The following CDH11 variants were observed in gnomAD, a reference collection of about 807,000 sequenced individuals.
CDH11 encodes cadherin-11.
A neutral mutation model predicts 67.8 loss-of-function variants in CDH11; 11 were observed. The ratio of observed to expected loss-of-function variants is 0.16; its 90% CI spans 0.10 to 0.27. The LOEUF is 0.27. Among genes scored for constraint, CDH11 ranks in the 10% least tolerant of loss-of-function variants. The pLI, the probability that CDH11 is intolerant of heterozygous loss-of-function variation, is 1.00. For synonymous variants in CDH11, 419 were observed against 400.0 expected (o/e 1.05, Z -0.57); for missense variants, 847 against 1,031.2 (o/e 0.82, Z 2.45).
intron 1 of CDH11, among the ~76,000 whole-genome samples, chr16:65,116,358 A>C (rs1848200367): frequency 6.6e-6 from 1 of 152,224 alleles, no homozygotes; most frequent in African/African-American, 2.4e-5. Flanking sequence ...TCTTAAACTA[A>C]GACCAGGGAG....
At chr16:64,980,953 C>A (rs928560696) in intron 8 of CDH11, among the ~76,000 whole-genome samples, 7 of 152,092 alleles carry the variant, frequency 4.6e-5, no homozygotes, top group African/African-American at 1.7e-4. Context: ...TCAACTTCCA[C>A]TCTGTAAACG....
chr16:64,983,163 T>C (rs1226476576), intron 7 of CDH11: 1 of 150,866 alleles, frequency 6.6e-6, no homozygotes, highest in Non-Finnish European at 1.5e-5. Flanking sequence ...AAAGAATGCA[T>C]ATATATTAAA....
intron 1 of CDH11, among the ~76,000 whole-genome samples, chr16:65,101,384 G>A (rs1464483000): frequency 6.6e-6 from 1 of 152,150 alleles, no homozygotes; most frequent in Non-Finnish European, 1.5e-5. Flanking sequence ...TTCCTCTTTG[G>A]AGCTCTCCTT....
At chr16:64,958,110 C>T (rs2071568532) in intron 11 of CDH11, among the ~76,000 whole-genome samples, 1 of 152,194 alleles carries the variant, frequency 6.6e-6, no homozygotes, top group Non-Finnish European at 1.5e-5. Flanking sequence ...ACCTCTTCAC[C>T]AGACAATAAC....
intron 2 of CDH11, among the ~76,000 whole-genome samples, chr16:65,009,630 A>G (rs1183467595): frequency 2.0e-5 from 3 of 152,208 alleles, no homozygotes; most frequent in Non-Finnish European, 4.4e-5. Context: ...AAATATATCA[A>G]TGTTCTAATT....
intron 2 of CDH11, among the ~76,000 whole-genome samples, chr16:65,015,348 A>G (rs2073280144): frequency 6.6e-6 from 1 of 152,176 alleles, no homozygotes; most frequent in East Asian, 1.9e-4. Flanking sequence ...ATGACACTCT[A>G]GAGACATTGA....
At chr16:65,061,665 A>G (rs1029907531) in intron 1 of CDH11, among the ~76,000 whole-genome samples, 12 of 152,238 alleles carry the variant, frequency 7.9e-5, no homozygotes, top group African/African-American at 2.9e-4. Context: ...TTCACATGCC[A>G]AATGAAGCAT....
intron 8 of CDH11, among the ~76,000 whole-genome samples, chr16:64,975,136 G>A (rs565522914): frequency 3.9e-5 from 6 of 152,126 alleles, no homozygotes; most frequent in Non-Finnish European, 8.8e-5. Context: ...TAACTTTTAT[G>A]TTATCTGTGA....
intron 2 of CDH11, among the ~76,000 whole-genome samples, chr16:65,019,585 T>A (rs2073381075): frequency 6.6e-6 from 1 of 152,124 alleles, no homozygotes; most frequent in East Asian, 1.9e-4. Flanking sequence ...TTATTCAAGT[T>A]TAATTCGTTT....
At chr16:65,106,528 T>G (rs1346135345) in intron 1 of CDH11, among the ~76,000 whole-genome samples, 1 of 152,064 alleles carries the variant, frequency 6.6e-6, no homozygotes, top group Non-Finnish European at 1.5e-5. Context: ...TAAATCTTGT[T>G]TCTTATTAAT....
chr16:64,950,441 C>A (rs761097443), intron 12 of CDH11, among the ~76,000 whole-genome samples: 12 of 152,100 alleles, frequency 7.9e-5, no homozygotes, highest in Non-Finnish European at 1.8e-4. Flanking sequence ...TATGCCAAAC[C>A]TTCTCTGATG....
chr16:65,107,931 C>T (rs1296958993), intron 1 of CDH11, among the ~76,000 whole-genome samples: 4 of 152,158 alleles, frequency 2.6e-5, no homozygotes, highest in Non-Finnish European at 5.9e-5. Flanking sequence ...GCAATGCCAG[C>T]ATTGCAAGGG....
At chr16:65,090,744 A>G (rs2074779624) in intron 1 of CDH11, among the ~76,000 whole-genome samples, 1 of 152,200 alleles carries the variant, frequency 6.6e-6, no homozygotes, top group African/African-American at 2.4e-5. Context: ...AATATCCTAA[A>G]GGCTCCAAAT....
At chr16:65,042,233 G>A (rs927018199) in intron 2 of CDH11, among the ~76,000 whole-genome samples, 6 of 152,184 alleles carry the variant, frequency 3.9e-5, no homozygotes, top group African/African-American at 1.4e-4. Context: ...ATCCCATGGG[G>A]AAAACAGACA....
At chr16:64,984,676 T>C (rs930250422) in intron 7 of CDH11, 2 of 152,220 alleles carry the variant, frequency 1.3e-5, no homozygotes, top group Non-Finnish European at 2.9e-5. Context: ...TCTGTGGAAA[T>C]GTACACACAA....
chr16:64,994,862 C>A (rs2072725275), intron 4 of CDH11, among the ~76,000 whole-genome samples: 1 of 152,146 alleles, frequency 6.6e-6, no homozygotes, highest in Admixed American at 6.5e-5. Flanking sequence ...TTCAGTGAAG[C>A]TTCAGAATAC....
intron 1 of CDH11, among the ~76,000 whole-genome samples, chr16:65,107,039 C>A (rs750427363): frequency 6.6e-6 from 1 of 151,902 alleles, no homozygotes; most frequent in African/African-American, 2.4e-5. Context: ...ATTTATGGAA[C>A]TGGAAAGATG....
At chr16:65,054,275 G>A (rs1325635568) in intron 1 of CDH11, among the ~76,000 whole-genome samples, 2 of 152,148 alleles carry the variant, frequency 1.3e-5, no homozygotes, top group Non-Finnish European at 2.9e-5. Flanking sequence ...TGAAAACTTA[G>A]AGCCCATTTC....
At chr16:65,094,425 CTACACACACACACACA>C (rs991925253) in intron 1 of CDH11, among the ~76,000 whole-genome samples, 7 of 150,252 alleles carry the variant, frequency 4.7e-5, no homozygotes, top group African/African-American at 1.7e-4. Context: ...AAACAGAAAA[CTACACACACACACACA>C]TACACACACA....
Sources: allele counts gnomAD v4.1 joint callset (sites outside exome capture counted in the v4.1 genomes callset), GRCh38; gene constraint gnomAD v4.1.1; transcripts MANE v1.5; gene names NCBI Gene and HGNC (gene_info 2026-07-23, HGNC 2026-07-21).